Variants in NAV3 observed in about 807,000 individuals in gnomAD.
NAV3 encodes neuron navigator 3.
In NAV3, 87 loss-of-function variants were observed where a neutral mutation model predicts 244.7. The ratio of observed to expected loss-of-function variants is 0.36; its 90% CI spans 0.30 to 0.42. The LOEUF is 0.42. NAV3 is among the 20% of genes least tolerant of loss of function. The pLI is 1.00. For synonymous variants in NAV3, 1,126 were observed against 1,042.2 expected (o/e 1.08, Z -1.55); for missense variants, 2,663 against 2,893.3 (o/e 0.92, Z 1.83).
intron 1 of NAV3, among the ~76,000 whole-genome samples, chr12:77,934,862 G>A (rs1331276893): frequency 1.8e-4 from 27 of 152,080 alleles, no homozygotes; most frequent in Admixed American, 1.8e-3. Flanking sequence ...GTTAAAATTA[G>A]CTCAGCTAAT....
chr12:77,966,770 T>C (rs992185106), intron 4 of NAV3, among the ~76,000 whole-genome samples: 7 of 152,068 alleles, frequency 4.6e-5, no homozygotes, highest in Non-Finnish European at 7.4e-5. Flanking sequence ...CTTAAATAAT[T>C]AGAACTAACA....
intron 2 of NAV3, among the ~76,000 whole-genome samples, chr12:77,793,184 A>G (rs1194251799): frequency 6.6e-6 from 1 of 152,362 alleles, no homozygotes; most frequent in Non-Finnish European, 1.5e-5. Context: ...ACCTTAGAAG[A>G]AAAAAGCAGT....
At chr12:77,573,499 A>C (rs962233643) in intron 2 of NAV3, among the ~76,000 whole-genome samples, 59 of 152,276 alleles carry the variant, frequency 3.9e-4, no homozygotes, top group African/African-American at 1.4e-3. Context: ...TGTGGATATA[A>C]ATTTCTACAC....
At chr12:77,940,745 T>A (rs555816289) in intron 2 of NAV3, among the ~76,000 whole-genome samples, 1 of 152,216 alleles carries the variant, frequency 6.6e-6, no homozygotes, top group African/African-American at 2.4e-5. Flanking sequence ...TTTCGTTAGC[T>A]GGAGCAACTC....
chr12:77,865,165 G>A (rs914080129), intron 1 of NAV3, among the ~76,000 whole-genome samples: 1 of 152,050 alleles, frequency 6.6e-6, no homozygotes, highest in Admixed American at 6.5e-5. Context: ...AGCTTCATCT[G>A]TAAAAATAGA....
intron 9 of NAV3, among the ~76,000 whole-genome samples, chr12:78,027,056 A>G (rs1050602812): frequency 6.6e-6 from 1 of 152,176 alleles, no homozygotes; most frequent in Non-Finnish European, 1.5e-5. Flanking sequence ...GAATATGAGG[A>G]AGAAAATGTT....
intron 2 of NAV3, among the ~76,000 whole-genome samples, chr12:77,707,840 G>C (rs966529731): frequency 6.6e-6 from 1 of 152,164 alleles, no homozygotes; most frequent in Non-Finnish European, 1.5e-5. Flanking sequence ...TCATGTGTCT[G>C]TTGGCTGCAT....
chr12:77,887,872 G>T (rs1390086440), intron 1 of NAV3, among the ~76,000 whole-genome samples: 1 of 151,938 alleles, frequency 6.6e-6, no homozygotes, highest in Non-Finnish European at 1.5e-5. Flanking sequence ...TAAAATTGAT[G>T]TTATCAGAAA....
intron 1 of NAV3, among the ~76,000 whole-genome samples, chr12:77,847,070 C>T (rs1002900393): frequency 1.3e-5 from 2 of 152,128 alleles, no homozygotes; most frequent in Non-Finnish European, 2.9e-5. Flanking sequence ...TCAGAGACTA[C>T]ACACAGATAT....
intron 9 of NAV3, among the ~76,000 whole-genome samples, chr12:78,046,161 T>C (rs1311757599): frequency 6.6e-6 from 1 of 152,222 alleles, no homozygotes; most frequent in African/African-American, 2.4e-5. Flanking sequence ...CTATCTATTT[T>C]GTTAATCTTT....
chr12:78,062,705 A>G (rs1398319060), intron 12 of NAV3, among the ~76,000 whole-genome samples: 1 of 152,168 alleles, frequency 6.6e-6, no homozygotes, highest in Non-Finnish European at 1.5e-5. Context: ...ATATTTATTT[A>G]CCCAGAATCA....
intron 1 of NAV3, among the ~76,000 whole-genome samples, chr12:77,845,343 G>A (rs1002278): frequency 0.45 from 68,310 of 151,980 alleles, 17,593 homozygotes; most frequent in East Asian, 0.58. Context: ...AGAGGACCAT[G>A]TGCTCTTGGA....
intron 5 of NAV3, among the ~76,000 whole-genome samples, chr12:77,982,768 G>A (rs12827002): frequency 0.12 from 18,546 of 152,160 alleles, 1,415 homozygotes; most frequent in Non-Finnish European, 0.17. Flanking sequence ...ATGGAATGGC[G>A]GGGATGTCAC....
intron 1 of NAV3, among the ~76,000 whole-genome samples, chr12:77,889,607 T>C: frequency 6.6e-6 from 1 of 152,220 alleles, no homozygotes. Context: ...TACTGAACTC[T>C]ATAAGTTGTT....
At chr12:77,842,889 A>G (rs17044358) in intron 1 of NAV3, among the ~76,000 whole-genome samples, 23,464 of 152,142 alleles carry the variant, frequency 0.15, 4,559 homozygotes, top group African/African-American at 0.46. Context: ...TCTCTTCAGC[A>G]GTGTTCATTG....
chr12:77,789,226 A>C (rs1592684189), intron 2 of NAV3, among the ~76,000 whole-genome samples: 1 of 152,120 alleles, frequency 6.6e-6, no homozygotes, highest in Non-Finnish European at 1.5e-5. Context: ...CCTTGAATGC[A>C]TGTCTGATTG....
chr12:77,578,620 T>C (rs1358400302), intron 2 of NAV3, among the ~76,000 whole-genome samples: 1 of 152,244 alleles, frequency 6.6e-6, no homozygotes, highest in Non-Finnish European at 1.5e-5. Flanking sequence ...GTTTGGAATT[T>C]AAACTTTTCA....
At chr12:78,029,138 T>A (rs1055923192) in intron 9 of NAV3, among the ~76,000 whole-genome samples, 1 of 148,594 alleles carries the variant, frequency 6.7e-6, no homozygotes, top group Non-Finnish European at 1.5e-5. Context: ...GGATTCCATA[T>A]GTCAAATGAG....
rs117162379 is a variant in NAV3 at position 78,018,611 on chromosome 12, C to T, written c.1908-3136C>T. On this transcript the variant is annotated intron_variant, in intron 8 of 39. Transcript: ENST00000397909. ...TTTAGACAAATATTTCAGTGAAATG[C>T]TTAATGTGACTCAGCTTCTAAAAGA... is the stretch of plus-strand genomic sequence containing the variant. 1.1e-4 allele frequency among the ~76,000 whole-genome samples: 17 copies of T among 152,226 alleles called. No homozygotes were observed. In the East Asian group the frequency reaches 3.1e-3, roughly 28 times the overall value.
Sources: gnomAD v4.1 joint callset for allele counts (sites outside exome capture counted in the v4.1 genomes callset) on GRCh38, gnomAD v4.1.1 for gene constraint, MANE v1.5 for transcripts, NCBI Gene and HGNC (gene_info 2026-07-23, HGNC 2026-07-21) for gene names.